The following TACC1 variants were observed in gnomAD, a reference collection of about 807,000 sequenced individuals.
TACC1 encodes the protein transforming acidic coiled-coil-containing protein 1.
TACC1 carries 48 observed loss-of-function variants against 84.4 expected under a neutral mutation model. The ratio of observed to expected loss-of-function variants is 0.57; its 90% CI spans 0.45 to 0.72. The LOEUF is 0.72. TACC1 is among the 30% of genes least tolerant of loss of function. The probability of loss-of-function intolerance (pLI) is 0.00; values close to 1 mark genes in which losing one functional copy is unlikely to be tolerated. For synonymous variants in TACC1, 372 were observed against 376.3 expected, an observed-to-expected ratio of 0.99 and a Z score of 0.13; for missense variants, 920 against 973.0, an observed-to-expected ratio of 0.95 and a Z score of 0.72.
intron 3 of TACC1, among the ~76,000 whole-genome samples, chr8:38,768,059 C>T (rs538982090): frequency 6.0e-4 from 74 of 124,348 alleles, no homozygotes; most frequent in Middle Eastern, 4.0e-3. Context: ...CAGAGTGAGA[C>T]GCTGTCTTGA....
intron 3 of TACC1, among the ~76,000 whole-genome samples, chr8:38,777,882 C>T (rs1182389806): frequency 6.6e-6 from 1 of 152,166 alleles, no homozygotes; most frequent in African/African-American, 2.4e-5. Flanking sequence ...ACAGGCCACA[C>T]CTAGTTGTAG....
At chr8:38,847,889 T>C (rs1162021110) in intron 12 of TACC1, 66 bp from the exon 13 acceptor site, 2 of 1,380,592 alleles carry the variant, frequency 1.4e-6, no homozygotes, top group African/African-American at 1.4e-5. Context: ...TTGGGACTAG[T>C]TAACTCTATT....
intron 1 of TACC1, among the ~76,000 whole-genome samples, chr8:38,731,737 A>AAACAAC (rs56770897): frequency 0.018 from 2,374 of 133,120 alleles, 48 homozygotes; most frequent in African/African-American, 0.046. Flanking sequence ...ATAAAACTGA[A>AAACAAC]AACAACAACA....
At position 38,831,115 on chromosome 8, in the gene TACC1, T is replaced by C; in HGVS notation, c.1661-10T>C. ...CTTGGGATAACTATAAAAATGACTTTCTGTCTTAGGCATAGAGAAGGAGAC... is the reference window on the plus strand; with the variant it reads ...CTTGGGATAACTATAAAAATGACTTCCTGTCTTAGGCATAGAGAAGGAGAC... On this transcript the variant is annotated splice_polypyrimidine_tract_variant and intron_variant, in intron 5 of 12. Coordinates refer to ENST00000317827, the MANE Select transcript of TACC1 (RefSeq NM_006283.3). 1.9e-6 allele frequency: 3 copies of C among 1,614,130 alleles called. No homozygotes were observed. The highest frequency in any genetic ancestry group is 1.7e-5 in the Admixed American group (1 of 60,028).
At chr8:38,767,234 T>A (rs916466382) in intron 3 of TACC1, among the ~76,000 whole-genome samples, 1 of 152,250 alleles carries the variant, frequency 6.6e-6, no homozygotes, top group Non-Finnish European at 1.5e-5. Flanking sequence ...GGAAGATGAC[T>A]GACGTTTCCT....
chr8:38,815,042 AT>A (rs1441414778), intron 2 of TACC1, among the ~76,000 whole-genome samples: 3 of 152,240 alleles, frequency 2.0e-5, no homozygotes, highest in African/African-American at 4.8e-5. Flanking sequence ...AGTTTTCTAG[AT>A]GGAGAAACAG....
intron 2 of TACC1, among the ~76,000 whole-genome samples, chr8:38,810,377 G>T (rs1823796998): frequency 6.6e-6 from 1 of 152,124 alleles, no homozygotes; most frequent in African/African-American, 2.4e-5. Context: ...AAGGCAGAAA[G>T]ATCAGTTGAG....
chr8:38,819,493 T>C (rs930885096), intron 2 of TACC1, 29 bp from the exon 3 acceptor site: 6 of 1,579,306 alleles, frequency 3.8e-6, no homozygotes, highest in Non-Finnish European at 5.2e-6. Flanking sequence ...GATAATTCTT[T>C]AATAGATGGT....
Position 38,831,125 on chromosome 8 carries a change from G to T in TACC1, c.1661G>T (p.Gly554Val). ...CTATAAAAATGACTTTCTGTCTTAG[G>T]CATAGAGAAGGAGACGTGCCAGAAG... ...INHAFSSSEA[G>V]IEKETCQKME... The change falls in exon 6 of 13, where the codon GGC (glycine) becomes GTC (valine). Residue 554 changes from glycine to valine, a missense_variant and splice_region_variant. Gly to Val is a moderately radical substitution (Grantham distance 109). Around this residue, in one of 2 missense-constraint regions of TACC1, gnomAD observed 762 missense variants for 747.3 expected, o/e 1.02. Transcript: ENST00000317827. 3 of 1,614,150 alleles carry T rather than the reference G, an allele frequency of 1.9e-6. No individual in the cohort carries two copies. The South Asian group carries it at 3.3e-5, about 18-fold the overall frequency.
intron 3 of TACC1, among the ~76,000 whole-genome samples, chr8:38,751,079 T>C (rs1048962771): frequency 6.6e-6 from 1 of 152,208 alleles, no homozygotes; most frequent in African/African-American, 2.4e-5. Context: ...TTCTTTGATC[T>C]ATAAATTGGC....
intron 3 of TACC1, among the ~76,000 whole-genome samples, chr8:38,749,567 T>C (rs865777156): frequency 6.6e-6 from 1 of 152,070 alleles, no homozygotes; most frequent in Non-Finnish European, 1.5e-5. Flanking sequence ...CAAGGGGCAA[T>C]GCAAAGTTTT....
intron 3 of TACC1, among the ~76,000 whole-genome samples, chr8:38,823,463 T>A (rs1827322138): frequency 6.6e-6 from 1 of 152,180 alleles, no homozygotes; most frequent in South Asian, 2.1e-4. Context: ...TGTGAGTCTT[T>A]GAGTTGCATG....
intron 9 of TACC1, chr8:38,840,559 A>C (rs1275096064): frequency 1.2e-5 from 3 of 243,250 alleles, no homozygotes; most frequent in African/African-American, 6.7e-5. Flanking sequence ...ACATACTCAC[A>C]CACTGGGGAT....
At position 38,825,327 on chromosome 8, in the gene TACC1, A is replaced by G. The variant is rs1386660624; in HGVS notation, c.1411A>G (p.Lys471Glu). 2 of 1,614,046 alleles carry G rather than the reference A, an allele frequency of 1.2e-6. No homozygotes were observed. Among genetic ancestry groups the G allele is most frequent in the Non-Finnish European group, 1.7e-6 (2 of 1,179,992 alleles). ...RLITSGCKVK[K>E]HETQSLALDA... ...TTCCAGGAGTGGCTGTAAGGTGAAG[A>G]AGCATGAAACTCAGTCTCTCGCCCT... The change falls in exon 4 of 13, where the codon AAG (lysine) becomes GAG (glutamate). Residue 471 changes from lysine (K) to glutamate (E), a missense_variant. Lys to Glu is a moderately conservative substitution (Grantham distance 56). This residue lies in a region of TACC1 where 762 missense variants were observed against 747.3 expected (regional missense o/e 1.02). Transcript: ENST00000317827.
At chr8:38,780,029 G>A (rs377170642) in intron 3 of TACC1, among the ~76,000 whole-genome samples, 50 of 152,236 alleles carry the variant, frequency 3.3e-4, no homozygotes, top group African/African-American at 1.1e-3. Context: ...ATGGCCTGTT[G>A]TTTGCCTTTT....
chr8:38,787,715 C>T lies in TACC1; in HGVS notation c.133C>T (p.Gln45Ter). The stretch of plus-strand genomic sequence containing the variant: ...GGGCGACCCCGAGGAGGAGGATTCG[C>T]AAGCCGAGACCAAATCCTTGAGTTT... ...PEGDPEEEDS[Q>*]AETKSLSFSS... Residue 45 changes from glutamine to a stop codon, truncating the protein, a stop_gained, in exon 1 of 13, where the codon CAA becomes TAA. Transcript: ENST00000317827. LOFTEE classifies it high-confidence loss of function. 1 of 1,522,832 alleles carries T rather than the reference C, an allele frequency of 6.6e-7. No homozygotes were observed. The highest frequency in any genetic ancestry group is 2.6e-5 in the East Asian group (1 of 38,848). 94.3% of individuals were successfully genotyped at this position (1,522,832 alleles called of 1,614,324 possible).
intron 2 of TACC1, among the ~76,000 whole-genome samples, chr8:38,811,473 G>A (rs1824123329): frequency 6.6e-6 from 1 of 152,168 alleles, no homozygotes; most frequent in South Asian, 2.1e-4. Flanking sequence ...CGGAGGGACT[G>A]GAAGAACATA....
rs754110202 is a variant in TACC1 at position 38,836,200 on chromosome 8, G to T, written c.1752G>T (p.Ser584=). The change falls in exon 7 of 13, where the codon TCG becomes TCT. Residue 584 remains serine (S), a synonymous_variant. Transcript: ENST00000317827. ...LESSAEKAPV[S]VSCGGESPLD... ...CCTCTGCAGAGAAGGCCCCTGTGTC[G>T]GTGTCCTGTGGAGGTGAGAGCCCCC... The T allele has an allele frequency of 6.8e-6, 11 of 1,613,372 alleles. No homozygotes were observed. In the African/African-American group the frequency reaches 9.3e-5, roughly 14 times the overall value.
Position 38,753,904 on chromosome 8 carries a change from T to TC in TACC1, c.26+8411_26+8412insC, listed in dbSNP as rs1491062265. On this transcript the variant is annotated intron_variant, in intron 3 of 14. Coordinates refer to the TACC1 transcript ENST00000518415. ...TAGGCTTCACTCTTTCCTCTTTTTCTTTTTCTTTCTTTCTTTCTTTCTTTC... is the reference window on the plus strand; with the variant it reads ...TAGGCTTCACTCTTTCCTCTTTTTCTCTTTTCTTTCTTTCTTTCTTTCTTTC... 2.4e-4 allele frequency among the ~76,000 whole-genome samples: 31 copies of TC among 131,794 alleles called. 2 individuals carry two copies. Among genetic ancestry groups the TC allele is most frequent in the African/African-American group, 5.2e-4 (18 of 34,792 alleles). 86.5% of individuals were successfully genotyped at this position (131,794 alleles called of 152,430 possible). A position where few individuals can be genotyped will look rare whatever the true frequency, so the allele number is the denominator to read the frequency against.
Sources: allele counts gnomAD v4.1 joint callset (sites outside exome capture counted in the v4.1 genomes callset), GRCh38; gene constraint gnomAD v4.1.1; regional missense constraint gnomAD v4.1.1; transcripts MANE v1.5; gene names NCBI Gene and HGNC (gene_info 2026-07-23, HGNC 2026-07-21).